The following YTHDC2 variants were observed in gnomAD, a reference collection of about 807,000 sequenced individuals.
YTHDC2 encodes the protein 3'-5' RNA helicase YTHDC2.
YTHDC2 carries 45 observed loss-of-function variants against 174.9 expected under a neutral mutation model. That is an observed-to-expected ratio of 0.26 (90% CI 0.20 to 0.33). The LOEUF is 0.33. Ranked by LOEUF, YTHDC2 falls within the 10% of genes least tolerant of loss-of-function variation. The probability of loss-of-function intolerance (pLI) is 1.00; values close to 1 mark genes in which losing one functional copy is unlikely to be tolerated. For missense variants in YTHDC2, 1,650 were observed against 1,723.7 expected (o/e 0.96, Z 0.76); for synonymous variants, 657 against 574.5 (o/e 1.14, Z -2.05).
intron 26 of YTHDC2, among the ~76,000 whole-genome samples, chr5:113,590,547 G>C (rs573465430): frequency 6.6e-6 from 1 of 152,170 alleles, no homozygotes; most frequent in African/African-American, 2.4e-5. Flanking sequence ...ACCCCTCTGT[G>C]TTTCCTTTGG....
intron 12 of YTHDC2, among the ~76,000 whole-genome samples, chr5:113,550,522 T>C (rs1158395874): frequency 6.6e-6 from 1 of 152,142 alleles, no homozygotes; most frequent in African/African-American, 2.4e-5. Flanking sequence ...ACAAAAATTG[T>C]AGGAACTGGT....
chr5:113,575,743 G>A (rs1778003199), intron 23 of YTHDC2, among the ~76,000 whole-genome samples: 1 of 152,192 alleles, frequency 6.6e-6, no homozygotes, highest in South Asian at 2.1e-4. Context: ...ATGACATGAC[G>A]TGGTGTGTTC....
At chr5:113,520,173 A>C (rs896104624) in intron 2 of YTHDC2, among the ~76,000 whole-genome samples, 2 of 152,032 alleles carry the variant, frequency 1.3e-5, no homozygotes, top group Non-Finnish European at 2.9e-5. Context: ...TTCCTGTGTT[A>C]GTTTGCTGAG....
intron 29 of YTHDC2, 24 bp from the exon 30 acceptor site, chr5:113,593,458 C>CTT: frequency 1.6e-6 from 2 of 1,256,516 alleles, no homozygotes; most frequent in South Asian, 1.3e-5. Context: ...GATTATTTAT[C>CTT]TTTTTTTTTC....
Position 113,542,352 on chromosome 5 carries a change from T to C in YTHDC2, c.1360-16T>C. ...GGTAATTTATGATAATTTATGATTT[T>C]TACTGTTTTTTGTAGACTGAAAAAG... is the stretch of plus-strand genomic sequence containing the variant. On this transcript the variant is annotated splice_polypyrimidine_tract_variant and intron_variant, in intron 9 of 29. Coordinates refer to ENST00000161863, the MANE Select transcript of YTHDC2 (RefSeq NM_022828.5). The C allele has an allele frequency of 6.2e-7, 1 of 1,601,902 alleles. No individual in the cohort carries two copies. Among genetic ancestry groups the C allele is most frequent in the East Asian group, 2.2e-5 (1 of 44,532 alleles).
At chr5:113,571,860 C>T (rs1382663035) in intron 23 of YTHDC2, among the ~76,000 whole-genome samples, 1 of 152,050 alleles carries the variant, frequency 6.6e-6, no homozygotes, top group African/African-American at 2.4e-5. Context: ...TGATTCTTCT[C>T]TCTTTTCTTC....
At chr5:113,530,940 A>G (rs1227814645) in intron 4 of YTHDC2, among the ~76,000 whole-genome samples, 1 of 152,114 alleles carries the variant, frequency 6.6e-6, no homozygotes, top group Non-Finnish European at 1.5e-5. Flanking sequence ...TTTTTGAAGG[A>G]TAGTTTTGCA....
chr5:113,584,455 TC>T lies in YTHDC2; in HGVS notation c.3803del (p.Pro1268LeufsTer25). ...SSSYPSPCAS[P>X]SPPSSGKGSK... Reference sequence around the variant, plus strand: ...GTAGTTACCCAAGTCCTTGTGCTAGTCCTTCTCCTCCATCCTCAGGAAAGGT... The same window carrying T: ...GTAGTTACCCAAGTCCTTGTGCTAGTCTTCTCCTCCATCCTCAGGAAAGGT... On this transcript the variant is annotated frameshift_variant, in exon 26 of 30. Transcript: ENST00000161863. LOFTEE classifies it high-confidence loss of function. 1.2e-6 allele frequency: 2 copies of T among 1,612,590 alleles called. No homozygotes were observed. The highest frequency in any genetic ancestry group is 1.7e-6 in the Non-Finnish European group (2 of 1,179,224).
chr5:113,566,487 A>G (rs1286391121), intron 21 of YTHDC2, among the ~76,000 whole-genome samples: 5 of 113,480 alleles, frequency 4.4e-5, no homozygotes, highest in African/African-American at 1.0e-4. Context: ...TAGTATTGCT[A>G]TTACCTTTTA....
chr5:113,563,756 A>C, intron 19 of YTHDC2, 103 bp from the exon 20 acceptor site: 1 of 1,364,092 alleles, frequency 7.3e-7, no homozygotes, highest in Non-Finnish European at 1.0e-6. Context: ...TGTAGTAGCA[A>C]AAGAAAATCT....
chr5:113,539,806 A>G (rs1775325132), intron 8 of YTHDC2, among the ~76,000 whole-genome samples: 1 of 152,146 alleles, frequency 6.6e-6, no homozygotes, highest in Admixed American at 6.5e-5. Flanking sequence ...TTCCCCTTGA[A>G]AAATGTAATC....
chr5:113,554,477 A>G (rs899077000), intron 16 of YTHDC2, among the ~76,000 whole-genome samples: 5 of 152,056 alleles, frequency 3.3e-5, no homozygotes, highest in East Asian at 3.8e-4. Context: ...CAGGTGTTCA[A>G]AAGATACTCA....
intron 25 of YTHDC2, 178 bp from the exon 26 acceptor site, chr5:113,584,124 G>A: frequency 2.1e-6 from 1 of 473,196 alleles, no homozygotes; most frequent in Non-Finnish European, 3.6e-6. Context: ...ATTTAGAACT[G>A]CCATAGACAT....
At position 113,534,341 on chromosome 5, in the gene YTHDC2, T is replaced by C. The variant is rs553573414; in HGVS notation, c.879T>C (p.Asn293=). The C allele has an allele frequency of 5.6e-6, 9 of 1,612,976 alleles. No individual in the cohort carries two copies. The South Asian group carries it at 8.8e-5, about 16-fold the overall frequency. The change falls in exon 6 of 30, where the codon AAT becomes AAC. Residue 293 remains asparagine (N), a synonymous_variant. Coordinates refer to ENST00000161863, the MANE Select transcript of YTHDC2 (RefSeq NM_022828.5). ...AGACACTTCTGACATTTTGTACTAATGGGGTATTGCTTCGTACATTGATGG... is the reference window on the plus strand; with the variant it reads ...AGACACTTCTGACATTTTGTACTAACGGGGTATTGCTTCGTACATTGATGG... ...SPKTLLTFCT[N]GVLLRTLMAG... is the part of the protein sequence containing the mutation.
intron 23 of YTHDC2, among the ~76,000 whole-genome samples, chr5:113,569,221 C>A (rs889692829): frequency 6.6e-6 from 1 of 151,960 alleles, no homozygotes; most frequent in Non-Finnish European, 1.5e-5. Context: ...TGCTTAAGTT[C>A]CTTGTATACT....
Position 113,541,039 on chromosome 5 carries a change from A to C in YTHDC2, c.1282A>C (p.Arg428=). The C allele has an allele frequency of 2.5e-6, 4 of 1,614,176 alleles. No individual in the cohort carries two copies. Among genetic ancestry groups the C allele is most frequent in the Non-Finnish European group, 3.4e-6 (4 of 1,179,992 alleles). The part of the protein sequence containing the change: ...QENSFKPESQ[R]QRTVLNVTDE... ...AAATAGTTTCAAGCCTGAATCTCAG[A>C]GGCAGAGAACTGTTCTAAATGTGAC... The change falls in exon 9 of 30, where the codon AGG becomes CGG. Residue 428 remains arginine (R), a synonymous_variant. Transcript: ENST00000161863.
At chr5:113,572,411 C>T (rs1777783871) in intron 23 of YTHDC2, among the ~76,000 whole-genome samples, 1 of 152,158 alleles carries the variant, frequency 6.6e-6, no homozygotes, top group Non-Finnish European at 1.5e-5. Context: ...AGAATAAATG[C>T]CATGTGGCGA....
At position 113,584,335 on chromosome 5, in the gene YTHDC2, C is replaced by A; in HGVS notation, c.3681C>A (p.His1227Gln). The stretch of plus-strand genomic sequence containing the variant: ...TGAAATCTCCATCTCCAGCATTACA[C>A]CCACCTCAGAAGTACAAAGATAGAG... ...VLMKSPSPAL[H>Q]PPQKYKDRGI... The change falls in exon 26 of 30, where the codon CAC (histidine) becomes CAA (glutamine). Residue 1227 changes from histidine to glutamine, a missense_variant. By Grantham distance (24) the His-to-Gln change is conservative. Coordinates refer to ENST00000161863, the MANE Select transcript of YTHDC2 (RefSeq NM_022828.5). 2 of 1,613,258 alleles carry A rather than the reference C, an allele frequency of 1.2e-6. No individual in the cohort carries two copies. The highest frequency in any genetic ancestry group is 2.2e-5 in the East Asian group (1 of 44,842).
At chr5:113,527,018 A>G (rs1561629158) in intron 4 of YTHDC2, among the ~76,000 whole-genome samples, 1 of 152,040 alleles carries the variant, frequency 6.6e-6, no homozygotes, top group Non-Finnish European at 1.5e-5. Flanking sequence ...TTATTTTTAA[A>G]CTAGTGCATT....
Sources: allele counts gnomAD v4.1 joint callset (sites outside exome capture counted in the v4.1 genomes callset), GRCh38; gene constraint gnomAD v4.1.1; transcripts MANE v1.5; gene names NCBI Gene and HGNC (gene_info 2026-07-23, HGNC 2026-07-21).